CYBB: variants seen among roughly 807,000 people sequenced by gnomAD.
CYBB encodes NADPH oxidase 2.
Under a neutral mutation model 46.5 loss-of-function variants are expected in CYBB, and 5 were observed. That is an observed-to-expected ratio of 0.11 (90% confidence interval 0.06 to 0.23). CYBB has a LOEUF of 0.23. CYBB is among the 10% of genes least tolerant of loss of function. The pLI is 1.00. For synonymous variants in CYBB, 183 were observed against 156.7 expected (o/e 1.17, Z -1.26); for missense variants, 307 against 428.3 (o/e 0.72, Z 2.50).
intron 3 of CYBB, among the ~76,000 whole-genome samples, chrX:37,783,871 C>G (rs1022677299): frequency 9.0e-6 from 1 of 111,250 alleles, no homozygotes; most frequent in Non-Finnish European, 1.9e-5. Flanking sequence ...CGTTTACACA[C>G]ACACACATAT....
rs782464958 is a variant in CYBB, at chrX:37,803,932, A to T, written c.953A>T (p.Lys318Ile). ...IELQMKKKGF[K>I]MEVGQYIFVK... ...CTACAGATGAAGAAGAAGGGGTTCA[A>T]AATGGAAGTGGGACAATACATTTTT... Residue 318 changes from lysine (K) to isoleucine (I), a missense_variant, in exon 9 of 13, where the codon AAA becomes ATA. Transcript: ENST00000378588. 2.5e-6 allele frequency: 3 copies of T among 1,210,984 alleles called. No individual in the cohort carries two copies. The highest frequency in any genetic ancestry group is 3.4e-6 in the Non-Finnish European group (3 of 894,911).
rs777128323 is a variant in CYBB at position 37,812,701 on chromosome X, C to G, written c.*1784C>G. The G allele has an allele frequency of 9.0e-6, 1 of 111,694 alleles. No homozygotes were observed. The highest frequency in any genetic ancestry group is 1.9e-5 in the Non-Finnish European group (1 of 53,079). 9.2% of individuals were successfully genotyped at this position (111,694 alleles called of 1,213,427 possible). A position where few individuals can be genotyped will look rare whatever the true frequency, so the allele number is the denominator to read the frequency against. Reference sequence around the variant, plus strand: ...TTCTTTGTCATACTACTATTCCTTTCGTCTCCCAGAATCCTCAGGGCACTG... The same window carrying G: ...TTCTTTGTCATACTACTATTCCTTTGGTCTCCCAGAATCCTCAGGGCACTG... On this transcript the variant is annotated 3_prime_UTR_variant, in exon 13 of 13. Coordinates refer to ENST00000378588, the MANE Select transcript of CYBB (RefSeq NM_000397.4).
chrX:37,799,340 T>C (rs1295577038), intron 7 of CYBB, among the ~76,000 whole-genome samples: 3 of 112,026 alleles, frequency 2.7e-5, no homozygotes, highest in Non-Finnish European at 1.9e-5. Flanking sequence ...AGTGCTGTTT[T>C]GGTTCAAGAA....
At chrX:37,786,797 T>C (rs922393136) in intron 3 of CYBB, among the ~76,000 whole-genome samples, 8 of 110,733 alleles carry the variant, frequency 7.2e-5, no homozygotes, top group African/African-American at 2.6e-4. Flanking sequence ...GGTGAGAGGG[T>C]GAGGTTTTAT....
chrX:37,793,612 T>A (rs782770700), intron 4 of CYBB, 53 bp from the exon 5 acceptor site: 3 of 1,180,436 alleles, frequency 2.5e-6, no homozygotes, highest in South Asian at 1.8e-5. Context: ...CAGCTTACAA[T>A]AAATTTGTTC....
intron 8 of CYBB, 30 bp from the exon 9 acceptor site, chrX:37,803,847 T>A (rs1556470727): frequency 5.0e-6 from 6 of 1,205,836 alleles, no homozygotes; most frequent in Non-Finnish European, 6.7e-6. Flanking sequence ...AGGAAAAATG[T>A]CATTTCCAGA....
Position 37,811,034 on chromosome X carries a change from T to A in CYBB, c.*117T>A. On this transcript the variant is annotated 3_prime_UTR_variant, in exon 13 of 13. Transcript: ENST00000378588. Reference sequence around the variant, plus strand: ...TGGACAAAAAGAAACTATAATGTAATGGTTTTCCCTTAAAGGAATGTCAAA... The same window carrying A: ...TGGACAAAAAGAAACTATAATGTAAAGGTTTTCCCTTAAAGGAATGTCAAA... 1.5e-6 allele frequency: 1 copy of A among 683,813 alleles called. No homozygotes were observed. The highest frequency in any genetic ancestry group is 2.5e-5 in the South Asian group (1 of 40,741). The allele number at this position is 683,813 out of a possible 1,213,427, so 56.4% of individuals were successfully genotyped here.
At chrX:37,806,061 C>T (rs1333093378) in intron 10 of CYBB, among the ~76,000 whole-genome samples, 2 of 111,992 alleles carry the variant, frequency 1.8e-5, no homozygotes, top group Admixed American at 9.4e-5. Flanking sequence ...TAGATTCCAT[C>T]AGGCTTTCTG....
intron 1 of CYBB, among the ~76,000 whole-genome samples, chrX:37,781,838 A>G (rs781927381): frequency 8.9e-6 from 1 of 112,087 alleles, no homozygotes; most frequent in African/African-American, 3.2e-5. Context: ...TGTAAGACTG[A>G]TAATTTGGTA....
At position 37,813,176 on chromosome X, in the gene CYBB, TG is replaced by T. The variant is rs762462467; in HGVS notation, c.*2260del. On this transcript the variant is annotated 3_prime_UTR_variant, in exon 13 of 13. Coordinates refer to ENST00000378588, the MANE Select transcript of CYBB (RefSeq NM_000397.4). Reference sequence around the variant, plus strand: ...TTTTTTATTCTCTCAAGCCACCAGCTGCCAGCCACCAGCAGCCAGCTGCCAG... The same window carrying T: ...TTTTTTATTCTCTCAAGCCACCAGCTCCAGCCACCAGCAGCCAGCTGCCAG... 9.3e-6 allele frequency: 1 copy of T among 107,336 alleles called. No individual in the cohort carries two copies. The highest frequency in any genetic ancestry group is 9.9e-5 in the Admixed American group (1 of 10,072). The allele number at this position is 107,336 out of a possible 1,213,427, so 8.8% of individuals were successfully genotyped here.
chrX:37,810,767 G>A (rs1347569543), intron 12 of CYBB, 24 bp from the exon 13 acceptor site: 5 of 1,201,926 alleles, frequency 4.2e-6, no homozygotes, highest in Non-Finnish European at 5.6e-6. Flanking sequence ...GCTTGAAATT[G>A]TCTTTTTTTT....
At chrX:37,780,394 T>A (rs1377070470) in intron 1 of CYBB, among the ~76,000 whole-genome samples, 1 of 111,687 alleles carries the variant, frequency 9.0e-6, no homozygotes, top group African/African-American at 3.2e-5. Flanking sequence ...AAATATTTCA[T>A]GCTAATGATC....
chrX:37,795,861 T>G, intron 5 of CYBB, 90 bp from the exon 6 acceptor site: 2 of 694,279 alleles, frequency 2.9e-6, no homozygotes, highest in Non-Finnish European at 4.5e-6. Flanking sequence ...GTCCTGCATT[T>G]GAGAACCTAT....
intron 4 of CYBB, among the ~76,000 whole-genome samples, chrX:37,792,501 C>A (rs930373895): frequency 1.8e-5 from 2 of 110,747 alleles, no homozygotes; most frequent in South Asian, 7.6e-4. Flanking sequence ...CAGCTAAATA[C>A]CTTCATTATT....
chrX:37,785,749 C>T (rs1167966978), intron 3 of CYBB, among the ~76,000 whole-genome samples: 2 of 111,497 alleles, frequency 1.8e-5, no homozygotes, highest in Non-Finnish European at 3.8e-5. Flanking sequence ...TTTTTATTCT[C>T]CCTACCCCCA....
Position 37,805,021 on chromosome X carries a change from G to A in CYBB, c.1167G>A (p.Gly389=). ...AWKLPKIAVD[G]PFGTASEDVF... ...TTCCCTTCAGGATAGCGGTTGATGG[G>A]CCCTTTGGCACTGCCAGTGAAGATG... The change falls in exon 10 of 13, where the codon GGG becomes GGA. Residue 389 remains glycine, a synonymous_variant. Transcript: ENST00000378588. 1 of 1,211,561 alleles carries A rather than the reference G, an allele frequency of 8.3e-7. No homozygotes were observed. Among genetic ancestry groups the A allele is most frequent in the Non-Finnish European group, 1.1e-6 (1 of 895,239 alleles).
intron 5 of CYBB, 146 bp downstream of exon 5, chrX:37,793,956 G>A: frequency 3.9e-6 from 2 of 515,775 alleles, no homozygotes; most frequent in Non-Finnish European, 6.5e-6. Flanking sequence ...ACAATAATGG[G>A]AGTATAGAAA....
At chrX:37,799,989 C>T (rs1478258399) in intron 7 of CYBB, among the ~76,000 whole-genome samples, 2 of 111,061 alleles carry the variant, frequency 1.8e-5, no homozygotes, top group African/African-American at 6.6e-5. Context: ...TTACTCTAGA[C>T]ACAGCATACT....
At position 37,801,626 on chromosome X, in the gene CYBB, G is replaced by GTGTT. The variant is rs1556469992; in HGVS notation, c.897+282_897+285dup. 4.4e-3 allele frequency among the ~76,000 whole-genome samples: 477 copies of GTGTT among 108,066 alleles called. 7 individuals are homozygous for GTGTT. The highest frequency in any genetic ancestry group is 0.016 in the African/African-American group (458 of 29,369). 93.8% of individuals were successfully genotyped at this position (108,066 alleles called of 115,157 possible). On this transcript the variant is annotated intron_variant, in intron 8 of 12. Coordinates refer to ENST00000378588, the MANE Select transcript of CYBB (RefSeq NM_000397.4). ...TGTGTGTGTGTGTGTGTGTGTGTGT[G>GTGTT]TGTTTGTGTCTGTGTGTCTGTGTGT...
Sources: allele counts gnomAD v4.1 joint callset (sites outside exome capture counted in the v4.1 genomes callset), GRCh38; gene constraint gnomAD v4.1.1; transcripts MANE v1.5; gene names NCBI Gene and HGNC (gene_info 2026-07-23, HGNC 2026-07-21).